The following PRSS23 variants were observed in gnomAD, a reference collection of about 807,000 sequenced individuals.
PRSS23 encodes the protein serine protease 23.
Under a neutral mutation model 34.7 loss-of-function variants are expected in PRSS23, and 25 were observed. The observed-to-expected ratio is 0.72, with a 90% CI of 0.53 to 1.01. The LOEUF (loss-of-function observed/expected upper bound fraction) is 1.01. Among genes scored for constraint, PRSS23 ranks in the 50% least tolerant of loss-of-function variants. The pLI, the probability that PRSS23 is intolerant of heterozygous loss-of-function variation, is 0.00. For synonymous variants in PRSS23, 176 were observed against 186.6 expected, an observed-to-expected ratio of 0.94 and a Z score of 0.46; for missense variants, 445 against 475.6, an observed-to-expected ratio of 0.94 and a Z score of 0.60.
At chr11:86,905,904 A>G (rs1463373473) in intron 2 of PRSS23, among the ~76,000 whole-genome samples, 1 of 152,198 alleles carries the variant, frequency 6.6e-6, no homozygotes, top group Non-Finnish European at 1.5e-5. Context: ...GATGTGAACA[A>G]ATGGAGTGAA....
chr11:86,859,272 C>T (rs948136162), intron 2 of PRSS23, among the ~76,000 whole-genome samples: 7 of 148,914 alleles, frequency 4.7e-5, no homozygotes, highest in African/African-American at 1.7e-4. Context: ...GGTGATATCT[C>T]AGGTGAGGAG....
At chr11:86,931,108 G>T (rs992337855) in intron 2 of PRSS23, among the ~76,000 whole-genome samples, 1 of 152,170 alleles carries the variant, frequency 6.6e-6, no homozygotes, top group Non-Finnish European at 1.5e-5. Flanking sequence ...GAGGAGAAAT[G>T]ACTGGAGGAA....
intron 2 of PRSS23, among the ~76,000 whole-genome samples, chr11:86,926,046 C>T (rs1385883554): frequency 6.6e-6 from 1 of 152,150 alleles, no homozygotes; most frequent in African/African-American, 2.4e-5. Context: ...ATGCTAGGTG[C>T]CCTACATTCA....
intron 1 of PRSS23, among the ~76,000 whole-genome samples, chr11:86,819,086 A>G (rs1040512208): frequency 6.6e-6 from 1 of 152,204 alleles, no homozygotes. Flanking sequence ...TCTCACCCAT[A>G]TAACAAGTCA....
chr11:86,805,837 T>G (rs1186632062), intron 1 of PRSS23, among the ~76,000 whole-genome samples: 1 of 152,236 alleles, frequency 6.6e-6, no homozygotes, highest in Non-Finnish European at 1.5e-5. Flanking sequence ...TGCCAGTAGA[T>G]CTGTACTTTC....
rs556011635 is a variant in PRSS23 at position 86,854,087 on chromosome 11, G to A, written c.206+30494G>A. On this transcript the variant is annotated intron_variant, in intron 2 of 2. Transcript: ENST00000533902. ...ACGATCTCGGCTCACTGCAAGCTCC[G>A]CCTCCCGGGTTCAAGCCATTCTCCT... Among the ~76,000 whole-genome samples the A allele has an allele frequency of 6.8e-4, 104 of 152,144 alleles. No individual in the cohort carries two copies. The South Asian group carries it at 0.021, about 31-fold the overall frequency.
chr11:86,818,531 A>T (rs1948230473), intron 1 of PRSS23, among the ~76,000 whole-genome samples: 1 of 152,198 alleles, frequency 6.6e-6, no homozygotes, highest in Non-Finnish European at 1.5e-5. Flanking sequence ...ATTTTGAAAT[A>T]TCACCTTGTT....
chr11:86,939,415 TATATATATATATTTTTTAA>T (rs1173210824), intron 2 of PRSS23, among the ~76,000 whole-genome samples: 13 of 85,638 alleles, frequency 1.5e-4, no homozygotes, highest in African/African-American at 3.8e-4. Flanking sequence ...TATATATATA[TATATATATATATTTTTTAA>T]CATGAGTAAA....
chr11:86,917,234 G>A (rs572780053), intron 2 of PRSS23, among the ~76,000 whole-genome samples: 11 of 152,258 alleles, frequency 7.2e-5, no homozygotes, highest in Admixed American at 3.3e-4. Context: ...TAGGAGAATC[G>A]CTTGAACCCG....
Position 86,810,557 on chromosome 11 carries a change from T to A in PRSS23, c.*1762T>A, listed in dbSNP as rs1483995461. ...CTGAGGAAGAAGGGAGGTCTCCATT[T>A]CTATGTCTGGTATTTGGGGGTTTTG... On this transcript the variant is annotated 3_prime_UTR_variant, in exon 2 of 2. Coordinates refer to ENST00000280258, the MANE Select transcript of PRSS23 (RefSeq NM_007173.6). The A allele has an allele frequency of 6.0e-6, 1 of 167,104 alleles. No homozygotes were observed. Among genetic ancestry groups the A allele is most frequent in the Non-Finnish European group, 1.5e-5 (1 of 68,128 alleles). 10.4% of individuals were successfully genotyped at this position (167,104 alleles called of 1,614,324 possible).
chr11:86,797,368 C>T (rs562832516), upstream of PRSS23, among the ~76,000 whole-genome samples: 2 of 152,324 alleles, frequency 1.3e-5, no homozygotes, highest in South Asian at 4.2e-4. Context: ...GTCCTTATGG[C>T]AATCGTGATG....
chr11:86,852,235 A>C (rs1195244652), intron 2 of PRSS23, among the ~76,000 whole-genome samples: 1 of 152,128 alleles, frequency 6.6e-6, no homozygotes, highest in East Asian at 1.9e-4. Context: ...CTCCTGATAG[A>C]GGTGATGGGT....
intron 2 of PRSS23, among the ~76,000 whole-genome samples, chr11:86,869,550 A>G (rs117244685): frequency 0.026 from 3,934 of 152,284 alleles, 81 homozygotes; most frequent in Non-Finnish European, 0.038. Flanking sequence ...TTCCCAGGGC[A>G]CCAACGAGAA....
chr11:86,829,886 C>T (rs1207765064), intron 2 of PRSS23, among the ~76,000 whole-genome samples: 5 of 152,102 alleles, frequency 3.3e-5, no homozygotes, highest in Non-Finnish European at 7.4e-5. Flanking sequence ...TGTGAGGTGT[C>T]AGTCTGCCCC....
intron 1 of PRSS23, 73 bp downstream of exon 1, chr11:86,800,724 G>T (rs1018825352): frequency 1.1e-6 from 1 of 880,572 alleles, no homozygotes; most frequent in African/African-American, 1.8e-5. Flanking sequence ...GCGGGACAAA[G>T]GGCCGGGTAT....
intron 2 of PRSS23, among the ~76,000 whole-genome samples, chr11:86,860,658 G>A (rs1948606598): frequency 6.6e-6 from 1 of 150,998 alleles, no homozygotes; most frequent in Admixed American, 6.6e-5. Flanking sequence ...ATATCGCAGT[G>A]GGTGTACGTT....
intron 2 of PRSS23, among the ~76,000 whole-genome samples, chr11:86,895,478 T>TTTTA (rs1948868442): frequency 1.2e-3 from 2 of 1,708 alleles, no homozygotes; most frequent in African/African-American, 2.4e-3. Flanking sequence ...TATTTTATCC[T>TTTTA]TTTTTTTTTT....
chr11:86,878,233 C>CCTCCCTCTCCCTCATTTCCGT (rs1948739038), intron 2 of PRSS23, among the ~76,000 whole-genome samples: 1 of 84,798 alleles, frequency 1.2e-5, no homozygotes, highest in Non-Finnish European at 2.1e-5. Flanking sequence ...TACCCCTCCC[C>CCTCCCTCTCCCTCATTTCCGT]CTCCCTCTCC....
chr11:86,924,875 G>A (rs1000799473), intron 2 of PRSS23: 7 of 152,208 alleles, frequency 4.6e-5, no homozygotes, highest in East Asian at 3.9e-4. Flanking sequence ...CTACCTAACC[G>A]GGGTCAGCTT....
Sources: gnomAD v4.1 joint callset for allele counts (sites outside exome capture counted in the v4.1 genomes callset) on GRCh38, gnomAD v4.1.1 for gene constraint, MANE v1.5 for transcripts, NCBI Gene and HGNC (gene_info 2026-07-23, HGNC 2026-07-21) for gene names.